COMMD10: variants seen among roughly 807,000 people sequenced by gnomAD.
The protein encoded by COMMD10 is COMM domain containing 10.
Under a neutral mutation model 28.9 loss-of-function variants are expected in COMMD10, and 33 were observed. The ratio of observed to expected loss-of-function variants is 1.14; its 90% CI spans 0.87 to 1.53. The LOEUF (loss-of-function observed/expected upper bound fraction) is 1.53. Ranked by LOEUF, COMMD10 falls within the 40% of genes most tolerant of loss-of-function variation. The pLI is 0.00. For synonymous variants in COMMD10, 110 were observed against 81.7 expected, an observed-to-expected ratio of 1.35 and a Z score of -1.87; for missense variants, 310 against 233.4, an observed-to-expected ratio of 1.33 and a Z score of -2.14.
intron 5 of COMMD10, among the ~76,000 whole-genome samples, chr5:116,253,508 CGT>C (rs1561393818): frequency 1.4e-5 from 2 of 144,624 alleles, no homozygotes; most frequent in Non-Finnish European, 1.5e-5. Flanking sequence ...TAGCATGAAG[CGT>C]TGTTGAATTT....
Position 116,085,049 on chromosome 5 carries a change from G to A in COMMD10, c.-4G>A. The A allele has an allele frequency of 1.9e-6, 3 of 1,608,244 alleles. No individual in the cohort carries two copies. The highest frequency in any genetic ancestry group is 2.5e-6 in the Non-Finnish European group (3 of 1,178,554). ...CAGACGGCGGCAGTGCGAGAAAGCC[G>A]AAGATGGCGGTCCCCGCGGCGCTGA... On this transcript the variant is annotated 5_prime_UTR_variant, in exon 1 of 7. Coordinates refer to ENST00000274458, the MANE Select transcript of COMMD10 (RefSeq NM_016144.4).
intron 5 of COMMD10, among the ~76,000 whole-genome samples, chr5:116,251,294 A>ATTAT (rs1183990588): frequency 1.5e-5 from 2 of 131,412 alleles, no homozygotes; most frequent in Admixed American, 7.2e-5. Flanking sequence ...TTATTTATTT[A>ATTAT]TTTATTTATT....
intron 5 of COMMD10, among the ~76,000 whole-genome samples, chr5:116,286,598 T>G (rs1751225976): frequency 6.6e-6 from 1 of 151,754 alleles, no homozygotes; most frequent in Non-Finnish European, 1.5e-5. Context: ...CCAGTTCCAG[T>G]TCCCCTTATT....
At chr5:116,208,135 A>G (rs986977913) in intron 5 of COMMD10, among the ~76,000 whole-genome samples, 1 of 152,054 alleles carries the variant, frequency 6.6e-6, no homozygotes, top group Non-Finnish European at 1.5e-5. Flanking sequence ...TCTATCTTAA[A>G]TAAGATAATG....
intron 4 of COMMD10, among the ~76,000 whole-genome samples, chr5:116,112,548 GCGCCAC>G (rs1751082305): frequency 6.6e-6 from 1 of 151,690 alleles, no homozygotes; most frequent in African/African-American, 2.4e-5. Context: ...ATATAGGTGC[GCGCCAC>G]CATGCACAGC....
At chr5:116,111,235 A>AT (rs1340714331) in intron 4 of COMMD10, among the ~76,000 whole-genome samples, 2 of 151,680 alleles carry the variant, frequency 1.3e-5, no homozygotes, top group African/African-American at 2.4e-5. Context: ...TGTTTCATTA[A>AT]TTTTTTAATT....
chr5:116,093,634 G>A (rs1337170178), intron 4 of COMMD10, among the ~76,000 whole-genome samples: 1 of 152,066 alleles, frequency 6.6e-6, no homozygotes, highest in Non-Finnish European at 1.5e-5. Context: ...CTGGAGCACG[G>A]CTCCATTTTA....
intron 4 of COMMD10, among the ~76,000 whole-genome samples, chr5:116,102,975 T>C (rs1404895555): frequency 6.6e-6 from 1 of 152,220 alleles, no homozygotes; most frequent in African/African-American, 2.4e-5. Flanking sequence ...GCTTCATCCA[T>C]GTCCCTGCAA....
At chr5:116,091,056 A>G (rs1580435857) in intron 2 of COMMD10, 23 bp from the exon 3 acceptor site, 3 of 1,438,990 alleles carry the variant, frequency 2.1e-6, no homozygotes, top group Non-Finnish European at 2.9e-6. Flanking sequence ...TGCTAATATA[A>G]TAGATTGCTA....
intron 5 of COMMD10, among the ~76,000 whole-genome samples, chr5:116,142,777 T>C (rs990678556): frequency 2.0e-5 from 3 of 151,780 alleles, no homozygotes; most frequent in African/African-American, 7.2e-5. Flanking sequence ...TATTTTGTTT[T>C]ATTATAGAAC....
chr5:116,208,346 C>T (rs974806111), intron 5 of COMMD10, among the ~76,000 whole-genome samples: 2 of 152,104 alleles, frequency 1.3e-5, no homozygotes, highest in African/African-American at 4.8e-5. Flanking sequence ...ACCAAAAAGG[C>T]TCCTGTAAGT....
intron 5 of COMMD10, among the ~76,000 whole-genome samples, chr5:116,196,886 A>G (rs1315428892): frequency 1.3e-5 from 2 of 152,136 alleles, no homozygotes; most frequent in Non-Finnish European, 2.9e-5. Flanking sequence ...CTAAAAATTA[A>G]TGGATATTGT....
At chr5:116,220,888 G>C (rs1210688196) in intron 5 of COMMD10, among the ~76,000 whole-genome samples, 1 of 152,060 alleles carries the variant, frequency 6.6e-6, no homozygotes, top group African/African-American at 2.4e-5. Flanking sequence ...GGGATGGGGA[G>C]AAACAAAAAC....
chr5:116,107,724 T>C (rs990485701), intron 4 of COMMD10, among the ~76,000 whole-genome samples: 3 of 151,510 alleles, frequency 2.0e-5, no homozygotes, highest in African/African-American at 7.3e-5. Flanking sequence ...GTTCCCTTGC[T>C]GGCGAGGAGT....
At chr5:116,130,312 A>C (rs1751822643) in intron 4 of COMMD10, among the ~76,000 whole-genome samples, 1 of 151,936 alleles carries the variant, frequency 6.6e-6, no homozygotes, top group Non-Finnish European at 1.5e-5. Context: ...CAGCAAGCAA[A>C]TAAATACTAT....
chr5:116,176,205 A>G (rs1009744351), intron 5 of COMMD10, among the ~76,000 whole-genome samples: 2 of 152,142 alleles, frequency 1.3e-5, no homozygotes, highest in African/African-American at 2.4e-5. Flanking sequence ...TCCACCTACA[A>G]GATTCAAGCA....
In COMMD10 at chr5:116,140,229, C is replaced by CTGTGTGTGTGTGTG. The variant is rs113427747; in HGVS notation, c.510+6052_510+6053insGTGTGTGTGTGTGT. Among the ~76,000 whole-genome samples, 498 of 122,304 alleles carry CTGTGTGTGTGTGTG rather than the reference C, an allele frequency of 4.1e-3. 5 individuals are homozygous for CTGTGTGTGTGTGTG. Among genetic ancestry groups the CTGTGTGTGTGTGTG allele is most frequent in the African/African-American group, 0.019 (448 of 23,252 alleles). The allele number at this position is 122,304 out of a possible 152,430, so 80.2% of individuals were successfully genotyped here. ...CCTTTTTCAAGGCTGACTCATACTA[C>CTGTGTGTGTGTGTG]TATGTGTGTGTGTGTGTGTGTGTGT... On this transcript the variant is annotated intron_variant, in intron 5 of 6. Coordinates refer to ENST00000274458, the MANE Select transcript of COMMD10 (RefSeq NM_016144.4).
Position 116,292,671 on chromosome 5 carries a change from A to C in COMMD10, c.*182A>C. 2.3e-6 allele frequency: 1 copy of C among 435,216 alleles called. No homozygotes were observed. The highest frequency in any genetic ancestry group is 4.1e-6 in the Non-Finnish European group (1 of 245,862). 27.0% of individuals were successfully genotyped at this position (435,216 alleles called of 1,614,324 possible). On this transcript the variant is annotated 3_prime_UTR_variant, in exon 7 of 7. Coordinates refer to ENST00000274458, the MANE Select transcript of COMMD10 (RefSeq NM_016144.4). ...TCATTGTTAAGAATACTGAGGTTCT[A>C]ATATACTTTCTTTAGTTCTGTGAGC...
At chr5:116,162,379 T>C (rs1369694757) in intron 5 of COMMD10, among the ~76,000 whole-genome samples, 1 of 152,174 alleles carries the variant, frequency 6.6e-6, no homozygotes, top group Non-Finnish European at 1.5e-5. Flanking sequence ...GAAATCTTTT[T>C]TGCTATAAAC....
Sources: allele counts gnomAD v4.1 joint callset (sites outside exome capture counted in the v4.1 genomes callset), GRCh38; gene constraint gnomAD v4.1.1; transcripts MANE v1.5; gene names NCBI Gene and HGNC (gene_info 2026-07-23, HGNC 2026-07-21).